UGT1A4: variants seen among roughly 807,000 people sequenced by gnomAD.
UGT1A4 encodes the protein UDP-glucuronosyltransferase 1A4.
Under a neutral mutation model 41.1 loss-of-function variants are expected in UGT1A4, and 32 were observed. That is an observed-to-expected ratio of 0.78 (90% CI 0.59 to 1.05). UGT1A4 has a LOEUF of 1.05. Among genes scored for constraint, UGT1A4 ranks in the 50% least tolerant of loss-of-function variants. The pLI is 0.00. For missense variants in UGT1A4, 748 were observed against 677.4 expected, an observed-to-expected ratio of 1.10 and a Z score of -1.16; for synonymous variants, 283 against 265.1, an observed-to-expected ratio of 1.07 and a Z score of -0.66.
At chr2:233,753,815 C>T (rs973351937) in intron 1 of UGT1A4, among the ~76,000 whole-genome samples, 12 of 152,170 alleles carry the variant, frequency 7.9e-5, no homozygotes, top group Admixed American at 5.2e-4. Context: ...TGGAGAACCA[C>T]GTTAGGGCTG....
At chr2:233,737,806 C>T (rs575024235) in intron 1 of UGT1A4, among the ~76,000 whole-genome samples, 1 of 152,098 alleles carries the variant, frequency 6.6e-6, no homozygotes, top group Non-Finnish European at 1.5e-5. Context: ...TCACTATCAT[C>T]TCAGTGGAGC....
Position 233,772,347 on chromosome 2 carries a change from T to A in UGT1A4, c.1393T>A (p.Phe465Ile), listed in dbSNP as rs1700509286. 9.9e-6 allele frequency: 16 copies of A among 1,614,210 alleles called. No individual in the cohort carries two copies. The highest frequency in any genetic ancestry group is 1.4e-5 in the Non-Finnish European group (16 of 1,180,042). ...GGACCTGGCCGTGTTCTGGGTGGAG[T>A]TTGTGATGAGGCACAAGGGCGCGCC... is the stretch of plus-strand genomic sequence containing the variant. ...PLDLAVFWVE[F>I]VMRHKGAPHL... The change falls in exon 5 of 5, where the codon TTT becomes ATT. Residue 465 changes from phenylalanine (F) to isoleucine (I), a missense_variant. Coordinates refer to ENST00000373409, the MANE Select transcript of UGT1A4 (RefSeq NM_007120.3).
intron 2 of UGT1A4, 55 bp downstream of exon 2, chr2:233,767,220 C>G (rs1167186563): frequency 6.2e-7 from 1 of 1,611,536 alleles, no homozygotes; most frequent in African/African-American, 1.3e-5. Flanking sequence ...GCGCTAATCC[C>G]AGACTTCCAG....
At chr2:233,726,649 CTTAAT>C (rs898700171) in intron 1 of UGT1A4, among the ~76,000 whole-genome samples, 5 of 152,174 alleles carry the variant, frequency 3.3e-5, no homozygotes, top group Non-Finnish European at 7.3e-5. Context: ...TCTTAAAACT[CTTAAT>C]TTAATCATAT....
In UGT1A4 at chr2:233,772,467, T is replaced by G; in HGVS notation, c.1513T>G (p.Phe505Val). The G allele has an allele frequency of 6.8e-6, 11 of 1,614,156 alleles. No individual in the cohort carries two copies. The highest frequency in any genetic ancestry group is 9.3e-6 in the Non-Finnish European group (11 of 1,180,034). Residue 505 changes from phenylalanine (F) to valine (V), a missense_variant, in exon 5 of 5, where the codon TTC becomes GTC. Coordinates refer to ENST00000373409, the MANE Select transcript of UGT1A4 (RefSeq NM_007120.3). Reference sequence around the variant, plus strand: ...CTTGGCCGTCGTGCTGACAGTGGCCTTCATCACCTTTAAATGTTGTGCTTA... The same window carrying G: ...CTTGGCCGTCGTGCTGACAGTGGCCGTCATCACCTTTAAATGTTGTGCTTA... ...FLLAVVLTVA[F>V]ITFKCCAYGY...
chr2:233,747,635 GA>G (rs1268887921), intron 1 of UGT1A4: 1 of 1,581,650 alleles, frequency 6.3e-7, no homozygotes, highest in African/African-American at 1.4e-5. Flanking sequence ...TCAGGCACCT[GA>G]ATGCTACTTC....
intron 1 of UGT1A4, among the ~76,000 whole-genome samples, chr2:233,739,507 G>A (rs1269718044): frequency 2.0e-5 from 3 of 152,272 alleles, no homozygotes; most frequent in African/African-American, 7.2e-5. Flanking sequence ...TGATCTAGAT[G>A]TGAGACATGA....
At chr2:233,730,068 G>C in intron 1 of UGT1A4, 1 of 1,610,044 alleles carries the variant, frequency 6.2e-7, no homozygotes, top group Non-Finnish European at 8.5e-7. Flanking sequence ...ATTTAAAATT[G>C]CTTCCATATT....
At chr2:233,765,745 A>T in intron 1 of UGT1A4, among the ~76,000 whole-genome samples, 1 of 151,724 alleles carries the variant, frequency 6.6e-6, no homozygotes, top group East Asian at 1.9e-4. Flanking sequence ...AAACCCATAA[A>T]GCCATTTGAG....
chr2:233,755,378 C>T (rs2125935029), intron 1 of UGT1A4: 1 of 351,540 alleles, frequency 2.8e-6, no homozygotes, highest in South Asian at 2.3e-5. Context: ...GAGGGCCGCC[C>T]CTTATGACGC....
intron 1 of UGT1A4, among the ~76,000 whole-genome samples, chr2:233,746,316 G>A (rs1048806578): frequency 1.3e-5 from 2 of 151,828 alleles, no homozygotes; most frequent in Non-Finnish European, 2.9e-5. Flanking sequence ...GGGCCCTGTA[G>A]ATGATCTACA....
intron 1 of UGT1A4, chr2:233,760,131 T>A: frequency 7.3e-7 from 1 of 1,362,720 alleles, no homozygotes; most frequent in African/African-American, 1.5e-5. Context: ...TCCACCTTCT[T>A]TATCTCTGAA....
chr2:233,769,419 A>C lies in UGT1A4; in HGVS notation c.1307+980A>C. The stretch of plus-strand genomic sequence containing the variant: ...TGCATATGTGCGTGTGCGTTTGTGC[A>C]TGTGGCTGTGCTCATGTGTGGGTGC... On this transcript the variant is annotated intron_variant, in intron 4 of 4. Coordinates refer to ENST00000373409, the MANE Select transcript of UGT1A4 (RefSeq NM_007120.3). This position sits in a 1 kb window ranked among gnomAD's most constrained non-coding sequence, Gnocchi z 4.4. 1.4e-6 allele frequency: 2 copies of C among 1,450,006 alleles called. No individual in the cohort carries two copies. The highest frequency in any genetic ancestry group is 9.6e-7 in the Non-Finnish European group (1 of 1,044,304). 89.8% of individuals were successfully genotyped at this position (1,450,006 alleles called of 1,614,324 possible).
chr2:233,771,872 A>G (rs1206206288), intron 4 of UGT1A4, among the ~76,000 whole-genome samples: 1 of 140,570 alleles, frequency 7.1e-6, no homozygotes, highest in East Asian at 2.2e-4. Flanking sequence ...AACATTTATT[A>G]AGAATAAGTT....
chr2:233,740,407 A>T (rs1691384076), intron 1 of UGT1A4, among the ~76,000 whole-genome samples: 1 of 151,962 alleles, frequency 6.6e-6, no homozygotes, highest in South Asian at 2.1e-4. Context: ...AAAATGGGGA[A>T]GTCTCTCTAC....
chr2:233,745,788 G>T (rs1003270220), intron 1 of UGT1A4, among the ~76,000 whole-genome samples: 2 of 150,764 alleles, frequency 1.3e-5, no homozygotes, highest in African/African-American at 4.9e-5. Flanking sequence ...AGACAGGGGG[G>T]CTGGGGTCTA....
intron 1 of UGT1A4, chr2:233,755,175 G>T: frequency 8.0e-7 from 1 of 1,245,528 alleles, no homozygotes; most frequent in Non-Finnish European, 1.1e-6. Context: ...GTTTTTGTCG[G>T]GGTGCCACTT....
chr2:233,723,945 C>G (rs1475718921), intron 1 of UGT1A4, among the ~76,000 whole-genome samples: 64 of 52,096 alleles, frequency 1.2e-3, no homozygotes, highest in Non-Finnish European at 1.5e-3. Flanking sequence ...TACACAGACA[C>G]GGCAACCATC....
chr2:233,722,351 T>C (rs991919579), intron 1 of UGT1A4, among the ~76,000 whole-genome samples: 1 of 152,240 alleles, frequency 6.6e-6, no homozygotes, highest in African/African-American at 2.4e-5. Context: ...TTTCTACAAA[T>C]ATACAAGACT....
Sources: allele counts gnomAD v4.1 joint callset (sites outside exome capture counted in the v4.1 genomes callset), GRCh38; gene constraint gnomAD v4.1.1; non-coding constraint Gnocchi (gnomAD v3.1); transcripts MANE v1.5; gene names NCBI Gene and HGNC (gene_info 2026-07-23, HGNC 2026-07-21).